Variants in E2F4 observed in about 807,000 individuals in gnomAD.
E2F4 encodes the protein E2F transcription factor 4.
Under a neutral mutation model 44.5 loss-of-function variants are expected in E2F4, and 16 were observed. The ratio of observed to expected loss-of-function variants is 0.36; its 90% CI spans 0.24 to 0.55. E2F4 has a LOEUF of 0.55. Ranked by LOEUF, E2F4 falls within the 20% of genes least tolerant of loss-of-function variation. The pLI is 0.87. For synonymous variants in E2F4, 242 were observed against 207.2 expected, an observed-to-expected ratio of 1.17 and a Z score of -1.44; for missense variants, 473 against 522.1, an observed-to-expected ratio of 0.91 and a Z score of 0.92.
Position 67,192,210 on chromosome 16 carries a change from A to G in E2F4, c.-18A>G, listed in dbSNP as rs1056045808. The G allele has an allele frequency of 4.4e-6, 5 of 1,134,566 alleles. No homozygotes were observed. The highest frequency in any genetic ancestry group is 4.3e-6 in the Non-Finnish European group (4 of 926,058). The allele number at this position is 1,134,566 out of a possible 1,614,324, so 70.3% of individuals were successfully genotyped here. ...GGCCTGGCCTGGCCTGGCTGAGGGG[A>G]GGCGGCGGGCGGGCGCGATGGCGGA... On this transcript the variant is annotated 5_prime_UTR_variant, in exon 1 of 10. Transcript: ENST00000379378.
chr16:67,192,697 C>A, intron 1 of E2F4, 64 bp from the exon 2 acceptor site: 1 of 1,465,268 alleles, frequency 6.8e-7, no homozygotes, highest in Non-Finnish European at 9.4e-7. Flanking sequence ...TCCCAGACCA[C>A]GTCTCAGGGT....
At chr16:67,195,401 G>C (rs2032951334) in intron 6 of E2F4, among the ~76,000 whole-genome samples, 1 of 152,124 alleles carries the variant, frequency 6.6e-6, no homozygotes, top group African/African-American at 2.4e-5. Context: ...TGTAGTGCTG[G>C]GATTACAGGC....
At position 67,192,167 on chromosome 16, in the gene E2F4, G is replaced by A; in HGVS notation, c.-61G>A. ...CTGCCCGGCGGCCAGGAACGGAAGC[G>A]GAAGTGGCGGCGGCGCCGGCCTGGC... On this transcript the variant is annotated 5_prime_UTR_variant, in exon 1 of 10. Transcript: ENST00000379378. 8.4e-7 allele frequency: 1 copy of A among 1,197,136 alleles called. No homozygotes were observed. The highest frequency in any genetic ancestry group is 3.6e-5 in the East Asian group (1 of 28,136). The allele number at this position is 1,197,136 out of a possible 1,614,324, so 74.2% of individuals were successfully genotyped here. A position where few individuals can be genotyped will look rare whatever the true frequency, so the allele number is the denominator to read the frequency against.
chr16:67,194,274 G>A (rs1014160362), intron 4 of E2F4, 124 bp from the exon 5 acceptor site: 8 of 1,003,846 alleles, frequency 8.0e-6, no homozygotes, highest in Non-Finnish European at 1.2e-5. Context: ...ATGGGGGATG[G>A]GTGAGGCCCA....
intron 6 of E2F4, chr16:67,195,509 C>A (rs1421753579): frequency 8.6e-6 from 5 of 579,926 alleles, no homozygotes; most frequent in African/African-American, 1.9e-5. Context: ...CCCAGATCCA[C>A]ATCCACTGGT....
rs774889928 is a variant in E2F4, at chr16:67,198,755, C to A, written c.*632C>A. ...CTGCCCCATAACCCTCTCTTCATTT[C>A]GGCTTTTTCATTTACCCTCATTTAG... On this transcript the variant is annotated 3_prime_UTR_variant, in exon 10 of 10. Coordinates refer to ENST00000379378, the MANE Select transcript of E2F4 (RefSeq NM_001950.4). 5.1e-6 allele frequency: 1 copy of A among 195,540 alleles called. No individual in the cohort carries two copies. Among genetic ancestry groups the A allele is most frequent in the Non-Finnish European group, 1.1e-5 (1 of 94,932 alleles). The allele number at this position is 195,540 out of a possible 1,614,324, so 12.1% of individuals were successfully genotyped here.
chr16:67,195,511 T>G, intron 6 of E2F4: 2 of 582,896 alleles, frequency 3.4e-6, no homozygotes, highest in East Asian at 6.6e-5. Flanking sequence ...CAGATCCACA[T>G]CCACTGGTGT....
intron 7 of E2F4, 26 bp downstream of exon 7, chr16:67,196,032 A>G (rs902439468): frequency 6.2e-7 from 1 of 1,611,274 alleles, no homozygotes; most frequent in Non-Finnish European, 8.5e-7. Context: ...CTGGGGGCAG[A>G]GAGAGAGAGT....
At chr16:67,197,186 T>C (rs763414601) in intron 7 of E2F4, among the ~76,000 whole-genome samples, 3 of 152,118 alleles carry the variant, frequency 2.0e-5, no homozygotes, top group Non-Finnish European at 4.4e-5. Context: ...GCCAGAGGTT[T>C]GTAGTGGAGT....
chr16:67,194,822 A>G lies in E2F4; in HGVS notation c.650A>G (p.Gln217Arg), dbSNP rs1462325357. The change falls in exon 6 of 10, where the codon CAG becomes CGG. Residue 217 changes from glutamine to arginine, a missense_variant. Gln to Arg is a conservative substitution (Grantham distance 43). Transcript: ENST00000379378. The stretch of plus-strand genomic sequence containing the variant: ...GTGCCACCACCTGAAGATTTGCTCC[A>G]GAGCCCATCTGCTGTTTCTACACCT... ...VPVPPPEDLL[Q>R]SPSAVSTPPP... 3.7e-6 allele frequency: 6 copies of G among 1,614,210 alleles called. No homozygotes were observed. The South Asian group carries it at 6.6e-5, about 18-fold the overall frequency.
chr16:67,195,948 T>G lies in E2F4; in HGVS notation c.975T>G (p.Ser325Arg). Reference sequence around the variant, plus strand: ...GCAGCAGCAACAGTAACAGCAGCAGTTCGTCCGGACCCAACCCTTCTACCT... The same window carrying G: ...GCAGCAGCAACAGTAACAGCAGCAGGTCGTCCGGACCCAACCCTTCTACCT... Reference protein sequence around the residue: ...SSSSSNSNSSSSSGPNPSTSF... With the variant: ...SSSSSNSNSSRSSGPNPSTSF... The change falls in exon 7 of 10, where the codon AGT becomes AGG. Residue 325 changes from serine to arginine, a missense_variant. This residue lies in a region of E2F4 where 314 missense variants were observed against 315.6 expected (regional missense o/e 0.99). Transcript: ENST00000379378. 6.2e-7 allele frequency: 1 copy of G among 1,612,974 alleles called. No homozygotes were observed. Among genetic ancestry groups the G allele is most frequent in the Non-Finnish European group, 8.5e-7 (1 of 1,179,484 alleles).
Position 67,193,647 on chromosome 16 carries a change from A to C in E2F4, c.451+132A>C, listed in dbSNP as rs2032923542. ...GGGCCTGCTCAGAGAGGAACCAGGC[A>C]GGGTAAGTCTTCTGTCTGAGTGTCA... On this transcript the variant is annotated intron_variant, in intron 4 of 9. Transcript: ENST00000379378. The C allele has an allele frequency of 4.6e-5, 45 of 976,430 alleles. No homozygotes were observed. In the South Asian group the frequency reaches 5.3e-4, roughly 12 times the overall value. The allele number at this position is 976,430 out of a possible 1,614,324, so 60.5% of individuals were successfully genotyped here.
intron 4 of E2F4, 71 bp downstream of exon 4, chr16:67,193,586 G>T: frequency 6.6e-7 from 1 of 1,514,348 alleles, no homozygotes; most frequent in Non-Finnish European, 9.2e-7. Context: ...TGGGCTCAGT[G>T]TCTTAGGAGA....
rs772816433 is a variant in E2F4 at position 67,198,255 on chromosome 16, G to A, written c.*132G>A. On this transcript the variant is annotated 3_prime_UTR_variant, in exon 10 of 10. Coordinates refer to ENST00000379378, the MANE Select transcript of E2F4 (RefSeq NM_001950.4). ...CTGGCTTCTCCGGCCTCCCCTCACC[G>A]CACAGTTCTGGCCACAGCTCCCGCT... is the stretch of plus-strand genomic sequence containing the variant. 18 of 760,122 alleles carry A rather than the reference G, an allele frequency of 2.4e-5. No individual in the cohort carries two copies. The highest frequency in any genetic ancestry group is 3.7e-4 in the Middle Eastern group (1 of 2,684). 47.1% of individuals were successfully genotyped at this position (760,122 alleles called of 1,614,324 possible). A position where few individuals can be genotyped will look rare whatever the true frequency, so the allele number is the denominator to read the frequency against.
chr16:67,197,916 G>A lies in E2F4; in HGVS notation c.1126+5G>A. ...AGGAGTTGATGTCCTCAGAAGGTGGGTGGCCCTGGAAGGTGGGAGTGGGTG... is the reference window on the plus strand; with the variant it reads ...AGGAGTTGATGTCCTCAGAAGGTGGATGGCCCTGGAAGGTGGGAGTGGGTG... On this transcript the variant is annotated splice_donor_5th_base_variant and intron_variant, in intron 9 of 9. Transcript: ENST00000379378. 6.2e-7 allele frequency: 1 copy of A among 1,614,128 alleles called. No homozygotes were observed. The highest frequency in any genetic ancestry group is 8.5e-7 in the Non-Finnish European group (1 of 1,180,008).
rs1226849335 is a variant in E2F4, at chr16:67,194,909, A to G, written c.737A>G (p.Gln246Arg). The G allele has an allele frequency of 6.2e-7, 1 of 1,613,996 alleles. No homozygotes were observed. The highest frequency in any genetic ancestry group is 1.3e-5 in the African/African-American group (1 of 74,902). Reference protein sequence around the residue: ...SQEASRPNSPQLTPTAVPGSA... With the variant: ...SQEASRPNSPRLTPTAVPGSA... Reference sequence around the variant, plus strand: ...GAAGCCTCACGTCCAAATAGTCCTCAGCTCACTCCCACTGCTGTCCCTGGC... The same window carrying G: ...GAAGCCTCACGTCCAAATAGTCCTCGGCTCACTCCCACTGCTGTCCCTGGC... Residue 246 changes from glutamine (Q) to arginine (R), a missense_variant, in exon 6 of 10, where the codon CAG becomes CGG. This residue lies in a region of E2F4 where 314 missense variants were observed against 315.6 expected (regional missense o/e 0.99). Transcript: ENST00000379378.
intron 3 of E2F4, 38 bp from the exon 4 acceptor site, chr16:67,193,434 C>T: frequency 6.2e-7 from 1 of 1,609,882 alleles, no homozygotes; most frequent in African/African-American, 1.3e-5. Context: ...TGCCATCTGT[C>T]ACCATAGGGC....
In E2F4 at chr16:67,198,421, G is replaced by C. The variant is rs989015037; in HGVS notation, c.*298G>C. On this transcript the variant is annotated 3_prime_UTR_variant, in exon 10 of 10. Coordinates refer to ENST00000379378, the MANE Select transcript of E2F4 (RefSeq NM_001950.4). Reference sequence around the variant, plus strand: ...TGCCACCCAGTGGCACAGAACCGAGGAGCTGCCATTACCCCCCATAGGGGG... The same window carrying C: ...TGCCACCCAGTGGCACAGAACCGAGCAGCTGCCATTACCCCCCATAGGGGG... The C allele has an allele frequency of 2.5e-6, 1 of 397,606 alleles. No homozygotes were observed. Among genetic ancestry groups the C allele is most frequent in the East Asian group, 5.0e-5 (1 of 19,892 alleles). 24.6% of individuals were successfully genotyped at this position (397,606 alleles called of 1,614,324 possible).
chr16:67,194,985 G>T lies in E2F4; in HGVS notation c.808+5G>T. The T allele has an allele frequency of 6.2e-7, 1 of 1,610,132 alleles. No homozygotes were observed. Among genetic ancestry groups the T allele is most frequent in the Non-Finnish European group, 8.5e-7 (1 of 1,176,786 alleles). On this transcript the variant is annotated splice_donor_5th_base_variant and intron_variant, in intron 6 of 9. Coordinates refer to ENST00000379378, the MANE Select transcript of E2F4 (RefSeq NM_001950.4). ...GCCCAGCAGCTGAGATCACAGGTGAGGCACCATGGGAGCTTGTGACAGAGG... is the reference window on the plus strand; with the variant it reads ...GCCCAGCAGCTGAGATCACAGGTGATGCACCATGGGAGCTTGTGACAGAGG...
Sources: allele counts gnomAD v4.1 joint callset (sites outside exome capture counted in the v4.1 genomes callset), GRCh38; gene constraint gnomAD v4.1.1; regional missense constraint gnomAD v4.1.1; transcripts MANE v1.5; gene names NCBI Gene and HGNC (gene_info 2026-07-23, HGNC 2026-07-21).